SH3RF3: variants seen among roughly 807,000 people sequenced by gnomAD.
SH3RF3 encodes the protein E3 ubiquitin-protein ligase SH3RF3.
A neutral mutation model predicts 66.3 loss-of-function variants in SH3RF3; 29 were observed. The ratio of observed to expected loss-of-function variants is 0.44; its 90% confidence interval spans 0.33 to 0.60. The LOEUF (loss-of-function observed/expected upper bound fraction) is 0.60. SH3RF3 is among the 20% of genes least tolerant of loss of function. The pLI is 0.04. For missense variants in SH3RF3, 1,194 were observed against 1,190.9 expected (o/e 1.00, Z -0.04); for synonymous variants, 583 against 532.0 (o/e 1.10, Z -1.32).
At chr2:109,187,422 G>A (rs1048174741) in intron 1 of SH3RF3, among the ~76,000 whole-genome samples, 2 of 151,702 alleles carry the variant, frequency 1.3e-5, no homozygotes, top group Non-Finnish European at 2.9e-5. Context: ...CCGCACACAC[G>A]TAAATACAGT....
intron 1 of SH3RF3, among the ~76,000 whole-genome samples, chr2:109,155,568 T>C (rs781338648): frequency 7.9e-5 from 12 of 152,212 alleles, no homozygotes; most frequent in Non-Finnish European, 1.5e-4. Context: ...CCCAAAGTGC[T>C]GGGATTACAG....
intron 4 of SH3RF3, among the ~76,000 whole-genome samples, chr2:109,399,821 A>G (rs576807690): frequency 6.6e-6 from 1 of 152,332 alleles, no homozygotes; most frequent in African/African-American, 2.4e-5. Flanking sequence ...GTGACCCTGC[A>G]GCCACACTCC....
At chr2:109,196,682 C>T (rs1678508584) in intron 1 of SH3RF3, among the ~76,000 whole-genome samples, 1 of 152,186 alleles carries the variant, frequency 6.6e-6, no homozygotes, top group African/African-American at 2.4e-5. Context: ...CAGTGAGGGG[C>T]TGGCTCTGTG....
chr2:109,178,753 G>A (rs1677991383), intron 1 of SH3RF3, among the ~76,000 whole-genome samples: 1 of 152,116 alleles, frequency 6.6e-6, no homozygotes, highest in Non-Finnish European at 1.5e-5. Context: ...GTGTAGTTCT[G>A]GAAACTGCTT....
intron 4 of SH3RF3, among the ~76,000 whole-genome samples, chr2:109,406,016 G>A (rs1045258370): frequency 5.9e-5 from 9 of 152,228 alleles, no homozygotes; most frequent in Admixed American, 5.2e-4. Context: ...GCACATCGAT[G>A]GCTGGGGAGA....
At chr2:109,321,973 C>T (rs542557315) in intron 1 of SH3RF3, among the ~76,000 whole-genome samples, 3 of 152,202 alleles carry the variant, frequency 2.0e-5, no homozygotes, top group Non-Finnish European at 2.9e-5. Context: ...GATTGGTCCT[C>T]GTTATTCAGT....
intron 1 of SH3RF3, among the ~76,000 whole-genome samples, chr2:109,307,524 T>G (rs960755847): frequency 3.4e-5 from 5 of 147,892 alleles, no homozygotes; most frequent in African/African-American, 1.3e-4. Flanking sequence ...CTGCACCCAC[T>G]AACTCGTCAT....
chr2:109,262,779 T>C (rs533694209), intron 1 of SH3RF3, among the ~76,000 whole-genome samples: 33 of 152,208 alleles, frequency 2.2e-4, no homozygotes, highest in Non-Finnish European at 3.8e-4. Flanking sequence ...CATTTATATA[T>C]GTAATGGGCC....
chr2:109,215,257 G>A (rs1345883894), intron 1 of SH3RF3, among the ~76,000 whole-genome samples: 1 of 152,222 alleles, frequency 6.6e-6, no homozygotes, highest in Non-Finnish European at 1.5e-5. Flanking sequence ...AAACTGGAGG[G>A]TAGGGGAGAA....
intron 1 of SH3RF3, among the ~76,000 whole-genome samples, chr2:109,296,221 C>CTATTATTATTATTAT (rs111322381): frequency 9.3e-5 from 14 of 151,324 alleles, no homozygotes; most frequent in African/African-American, 3.2e-4. Flanking sequence ...ACAGAATGAC[C>CTATTATTATTATTAT]TAGTATTATT....
At chr2:109,141,862 C>A (rs767236925) in intron 1 of SH3RF3, among the ~76,000 whole-genome samples, 2 of 152,122 alleles carry the variant, frequency 1.3e-5, no homozygotes, top group Non-Finnish European at 2.9e-5. Flanking sequence ...CATGGGACCC[C>A]CCAGATGTGC....
chr2:109,288,982 A>G (rs1206263579), intron 1 of SH3RF3, among the ~76,000 whole-genome samples: 1 of 152,234 alleles, frequency 6.6e-6, no homozygotes, highest in Non-Finnish European at 1.5e-5. Flanking sequence ...TATCAAGGAC[A>G]TAAAAAATCA....
intron 3 of SH3RF3, among the ~76,000 whole-genome samples, chr2:109,373,565 G>T (rs1166277759): frequency 6.6e-6 from 1 of 151,918 alleles, no homozygotes; most frequent in African/African-American, 2.4e-5. Context: ...AGTAAATGCC[G>T]TATGGGTTTT....
chr2:109,153,761 TA>T (rs1311275526), intron 1 of SH3RF3, among the ~76,000 whole-genome samples: 1 of 152,210 alleles, frequency 6.6e-6, no homozygotes, highest in South Asian at 2.1e-4. Flanking sequence ...GCATTTTGGC[TA>T]AAGCCACATT....
At chr2:109,379,811 G>T (rs1683471669) in intron 3 of SH3RF3, among the ~76,000 whole-genome samples, 1 of 152,056 alleles carries the variant, frequency 6.6e-6, no homozygotes, top group African/African-American at 2.4e-5. Flanking sequence ...CACTGGGCAG[G>T]AAAGCCAGAA....
chr2:109,388,462 C>T (rs1675886873), intron 3 of SH3RF3, among the ~76,000 whole-genome samples: 1 of 152,214 alleles, frequency 6.6e-6, no homozygotes, highest in Non-Finnish European at 1.5e-5. Flanking sequence ...GCAAGATCCA[C>T]CACCCTCCCC....
chr2:109,500,525 A>T (rs1301946896), intron 9 of SH3RF3, among the ~76,000 whole-genome samples: 2 of 152,172 alleles, frequency 1.3e-5, no homozygotes, highest in African/African-American at 4.8e-5. Context: ...CAGAGGCTGC[A>T]GGGGGCCCAA....
At chr2:109,147,786 C>T (rs908510854) in intron 1 of SH3RF3, among the ~76,000 whole-genome samples, 3 of 152,184 alleles carry the variant, frequency 2.0e-5, no homozygotes, top group Admixed American at 1.3e-4. Flanking sequence ...GCTAAAATAT[C>T]CCGAATTGGA....
intron 1 of SH3RF3, among the ~76,000 whole-genome samples, chr2:109,184,401 A>T (rs1488359336): frequency 6.6e-6 from 1 of 152,202 alleles, no homozygotes. Context: ...TTTTCAGGTG[A>T]TGAAAGCAGA....
Sources: gnomAD v4.1 joint callset for allele counts (sites outside exome capture counted in the v4.1 genomes callset) on GRCh38, gnomAD v4.1.1 for gene constraint, MANE v1.5 for transcripts, NCBI Gene and HGNC (gene_info 2026-07-23, HGNC 2026-07-21) for gene names.